The following TBCK variants were observed in gnomAD, a reference collection of about 807,000 sequenced individuals.
The protein encoded by TBCK is TBC domain-containing protein kinase-like protein.
In TBCK, 99 loss-of-function variants were observed where a neutral mutation model predicts 113.4. That is an observed-to-expected ratio of 0.87 (90% CI 0.74 to 1.03). The LOEUF (loss-of-function observed/expected upper bound fraction) is 1.03, where lower values mean the gene tolerates loss of function less well. Among genes scored for constraint, TBCK ranks in the 50% least tolerant of loss-of-function variants. The pLI is 0.00. For missense variants in TBCK, 1,045 were observed against 1,061.3 expected (o/e 0.98, Z 0.21); for synonymous variants, 369 against 370.8 (o/e 1.00, Z 0.05).
At chr4:106,120,835 C>T (rs1175353737) in intron 23 of TBCK, among the ~76,000 whole-genome samples, 1 of 152,052 alleles carries the variant, frequency 6.6e-6, no homozygotes, top group East Asian at 1.9e-4. Flanking sequence ...TCATCAAAGA[C>T]CAAAAGCAGA....
At chr4:106,257,130 T>C (rs1259860447) in intron 5 of TBCK, among the ~76,000 whole-genome samples, 1 of 152,024 alleles carries the variant, frequency 6.6e-6, no homozygotes, top group African/African-American at 2.4e-5. Flanking sequence ...GAATTAGACA[T>C]AGGAGCAATT....
intron 25 of TBCK, among the ~76,000 whole-genome samples, chr4:106,080,979 C>A (rs1026026423): frequency 8.5e-5 from 13 of 152,324 alleles, no homozygotes; most frequent in East Asian, 1.9e-4. Flanking sequence ...GATACCATCT[C>A]ATGCCAGTCA....
intron 9 of TBCK, 90 bp downstream of exon 9, chr4:106,248,155 T>A: frequency 9.2e-6 from 7 of 763,194 alleles, no homozygotes; most frequent in Non-Finnish European, 6.3e-6. Flanking sequence ...ATGTACATTA[T>A]CTTTAATCCA....
chr4:106,128,393 C>T (rs1308321212), intron 23 of TBCK, among the ~76,000 whole-genome samples: 1 of 152,134 alleles, frequency 6.6e-6, no homozygotes. Flanking sequence ...AATCAAGATG[C>T]ATATAGTCCT....
At chr4:106,242,625 C>T (rs1760286663) in intron 11 of TBCK, 56 bp from the exon 12 acceptor site, 2 of 1,274,906 alleles carry the variant, frequency 1.6e-6, no homozygotes, top group Non-Finnish European at 2.2e-6. Context: ...ATTGTTTCTT[C>T]TAGAAAGTAA....
chr4:106,088,691 G>A (rs60697569), intron 25 of TBCK, among the ~76,000 whole-genome samples: 6,283 of 152,064 alleles, frequency 0.041, 438 homozygotes, highest in African/African-American at 0.14. Context: ...TGATAGACTG[G>A]ATAAAGAAAA....
At chr4:106,234,199 T>C (rs959439103) in intron 15 of TBCK, among the ~76,000 whole-genome samples, 2 of 152,130 alleles carry the variant, frequency 1.3e-5, no homozygotes, top group Non-Finnish European at 2.9e-5. Context: ...ATATCGGCTA[T>C]TATCAACTTC....
At chr4:106,305,354 C>A (rs1403290058) in intron 2 of TBCK, among the ~76,000 whole-genome samples, 1 of 151,734 alleles carries the variant, frequency 6.6e-6, no homozygotes, top group African/African-American at 2.4e-5. Context: ...AATAAAAGGC[C>A]AACATCTTTT....
At chr4:106,216,663 C>T (rs961144104) in intron 19 of TBCK, among the ~76,000 whole-genome samples, 3 of 152,128 alleles carry the variant, frequency 2.0e-5, no homozygotes, top group African/African-American at 7.2e-5. Context: ...CAAGACTAAA[C>T]CAGGAAGAAG....
intron 24 of TBCK, among the ~76,000 whole-genome samples, chr4:106,104,488 T>A (rs1741910229): frequency 2.0e-5 from 3 of 151,992 alleles, no homozygotes; most frequent in South Asian, 2.1e-4. Flanking sequence ...ACTGCTTTTT[T>A]AAGCAGGTTC....
intron 20 of TBCK, among the ~76,000 whole-genome samples, chr4:106,196,346 G>GA (rs1415688843): frequency 6.6e-6 from 1 of 151,722 alleles, no homozygotes; most frequent in Non-Finnish European, 1.5e-5. Flanking sequence ...ATAATTTACT[G>GA]AAAAAGCACT....
intron 24 of TBCK, among the ~76,000 whole-genome samples, chr4:106,109,403 C>T (rs1742558252): frequency 6.6e-6 from 1 of 152,144 alleles, no homozygotes; most frequent in African/African-American, 2.4e-5. Context: ...ACCAAAACAG[C>T]ATGGCAGTAG....
intron 4 of TBCK, among the ~76,000 whole-genome samples, chr4:106,261,223 G>T (rs1762474259): frequency 6.6e-6 from 1 of 151,902 alleles, no homozygotes; most frequent in Non-Finnish European, 1.5e-5. Context: ...AATTGATAAG[G>T]TAATGATTCT....
At chr4:106,299,353 C>T (rs1766672808) in intron 2 of TBCK, among the ~76,000 whole-genome samples, 1 of 152,092 alleles carries the variant, frequency 6.6e-6, no homozygotes, top group South Asian at 2.1e-4. Flanking sequence ...TCATGTAAAA[C>T]AAAAACAAAA....
chr4:106,264,132 T>C (rs767707788), intron 3 of TBCK, among the ~76,000 whole-genome samples: 3 of 152,024 alleles, frequency 2.0e-5, no homozygotes, highest in Admixed American at 2.0e-4. Context: ...GTATTCATTA[T>C]ATTGTTTTTA....
chr4:106,260,957 A>C (rs985153317), intron 4 of TBCK, among the ~76,000 whole-genome samples: 1 of 152,072 alleles, frequency 6.6e-6, no homozygotes, highest in Non-Finnish European at 1.5e-5. Flanking sequence ...CTTAACTTGA[A>C]AAGATCAGTT....
intron 25 of TBCK, among the ~76,000 whole-genome samples, chr4:106,049,260 T>C (rs997864695): frequency 6.6e-6 from 1 of 152,030 alleles, no homozygotes; most frequent in Non-Finnish European, 1.5e-5. Context: ...GTGGGGGAGA[T>C]AGTATTAGAC....
chr4:106,197,825 A>T (rs946311331), intron 20 of TBCK, among the ~76,000 whole-genome samples: 19 of 152,064 alleles, frequency 1.2e-4, no homozygotes, highest in Admixed American at 9.8e-4. Flanking sequence ...TAGGTATAAA[A>T]GTAAGTCTGA....
At position 106,046,591 on chromosome 4, in the gene TBCK, G is replaced by C. The variant is rs1276076042; in HGVS notation, c.2661C>G (p.Thr887=). 6.2e-7 allele frequency: 1 copy of C among 1,604,466 alleles called. No individual in the cohort carries two copies. The highest frequency in any genetic ancestry group is 1.1e-5 in the South Asian group (1 of 90,828). Reference sequence around the variant, plus strand: ...TTCTTCATATTTGAGGAGATGGGATGGTGAGGAGGCCTGTTGGCTTTATTT... The same window carrying C: ...TTCTTCATATTTGAGGAGATGGGATCGTGAGGAGGCCTGTTGGCTTTATTT... The part of the protein sequence containing the change: ...INKIKPTGLL[T]IPSPQI The change falls in exon 26 of 26, where the codon ACC becomes ACG. Residue 887 remains threonine, a synonymous_variant. Coordinates refer to ENST00000394708, the MANE Select transcript of TBCK (RefSeq NM_001163435.3).
Sources: gnomAD v4.1 joint callset for allele counts (sites outside exome capture counted in the v4.1 genomes callset) on GRCh38, gnomAD v4.1.1 for gene constraint, MANE v1.5 for transcripts, NCBI Gene and HGNC (gene_info 2026-07-23, HGNC 2026-07-21) for gene names.